The following ARHGEF28 variants were observed in gnomAD, a reference collection of about 807,000 sequenced individuals.
ARHGEF28 encodes Rho guanine nucleotide exchange factor 28.
A neutral mutation model predicts 206.6 loss-of-function variants in ARHGEF28; 152 were observed. The ratio of observed to expected loss-of-function variants is 0.74; its 90% CI spans 0.64 to 0.84. The LOEUF is 0.84. ARHGEF28 is among the 40% of genes least tolerant of loss of function. ARHGEF28 has a pLI of 0.00. For synonymous variants in ARHGEF28, 763 were observed against 776.4 expected (o/e 0.98, Z 0.29); for missense variants, 2,028 against 2,073.2 (o/e 0.98, Z 0.42).
chr5:73,756,757 T>C (rs139651938), intron 4 of ARHGEF28, among the ~76,000 whole-genome samples: 139 of 152,334 alleles, frequency 9.1e-4, no homozygotes, highest in African/African-American at 3.2e-3. Flanking sequence ...TTTAGATGAA[T>C]AGATTCAAAT....
intron 35 of ARHGEF28, among the ~76,000 whole-genome samples, chr5:73,922,387 T>C (rs1561197715): frequency 6.6e-6 from 1 of 152,206 alleles, no homozygotes; most frequent in East Asian, 1.9e-4. Context: ...TACACTGACA[T>C]TTGCTAGAGG....
At chr5:73,825,808 G>A (rs1756873496) in intron 9 of ARHGEF28, among the ~76,000 whole-genome samples, 1 of 152,130 alleles carries the variant, frequency 6.6e-6, no homozygotes, top group Admixed American at 6.5e-5. Context: ...GTGTTGGGGT[G>A]GGAATCAAGA....
chr5:73,745,753 A>G (rs1293244299), intron 2 of ARHGEF28, among the ~76,000 whole-genome samples: 42 of 152,008 alleles, frequency 2.8e-4, no homozygotes, highest in Admixed American at 2.7e-3. Flanking sequence ...ATATACCTTC[A>G]CTATTTGACA....
intron 1 of ARHGEF28, among the ~76,000 whole-genome samples, chr5:73,642,435 C>G (rs1047344024): frequency 1.6e-4 from 25 of 152,176 alleles, no homozygotes; most frequent in African/African-American, 4.8e-4. Context: ...GGAAAAGCTT[C>G]AGACTAGACA....
At chr5:73,695,954 C>T (rs772326328) in intron 2 of ARHGEF28, among the ~76,000 whole-genome samples, 3 of 152,172 alleles carry the variant, frequency 2.0e-5, no homozygotes, top group South Asian at 2.1e-4. Flanking sequence ...AAGCTGTTTT[C>T]GTTCCATATC....
intron 1 of ARHGEF28, among the ~76,000 whole-genome samples, chr5:73,683,938 G>A (rs1747273879): frequency 6.6e-6 from 1 of 152,032 alleles, no homozygotes; most frequent in Admixed American, 6.6e-5. Flanking sequence ...GGGTCATAGG[G>A]TTTCCATATG....
intron 22 of ARHGEF28, among the ~76,000 whole-genome samples, chr5:73,881,475 T>G (rs916032265): frequency 3.9e-5 from 6 of 152,214 alleles, no homozygotes; most frequent in Admixed American, 3.3e-4. Flanking sequence ...TTCACTGGCA[T>G]TGTATAGTTT....
intron 1 of ARHGEF28, among the ~76,000 whole-genome samples, chr5:73,645,051 C>G (rs553360003): frequency 6.6e-6 from 1 of 152,116 alleles, no homozygotes; most frequent in East Asian, 1.9e-4. Context: ...TCATTCAATC[C>G]TCAACAATTC....
chr5:73,923,588 GTTCAATCTCTT>G (rs1763642065), intron 35 of ARHGEF28, among the ~76,000 whole-genome samples: 1 of 152,140 alleles, frequency 6.6e-6, no homozygotes, highest in Non-Finnish European at 1.5e-5. Context: ...TATTTGTCAG[GTTCAATCTCTT>G]GCCTACTATG....
chr5:73,701,290 G>T (rs1413362349), intron 2 of ARHGEF28, among the ~76,000 whole-genome samples: 1 of 152,144 alleles, frequency 6.6e-6, no homozygotes, highest in African/African-American at 2.4e-5. Flanking sequence ...GATTAAATGT[G>T]AAAATATATG....
intron 9 of ARHGEF28, among the ~76,000 whole-genome samples, chr5:73,822,365 C>T (rs1756651054): frequency 6.6e-6 from 1 of 152,186 alleles, no homozygotes; most frequent in South Asian, 2.1e-4. Context: ...TGGATTGAGA[C>T]TCTAGTGTGG....
intron 24 of ARHGEF28, among the ~76,000 whole-genome samples, chr5:73,885,289 T>C (rs1432646515): frequency 1.3e-5 from 2 of 152,052 alleles, no homozygotes; most frequent in African/African-American, 4.8e-5. Context: ...AGGCCTAAGT[T>C]AGTATATAAC....
chr5:73,639,599 C>A (rs1219126217), intron 1 of ARHGEF28, among the ~76,000 whole-genome samples: 1 of 152,026 alleles, frequency 6.6e-6, no homozygotes, highest in African/African-American at 2.4e-5. Flanking sequence ...AGTTTGAGTA[C>A]AAGTATACAA....
At chr5:73,831,590 G>A in intron 9 of ARHGEF28, among the ~76,000 whole-genome samples, 1 of 152,226 alleles carries the variant, frequency 6.6e-6, no homozygotes, top group East Asian at 1.9e-4. Flanking sequence ...TTGAATCTGA[G>A]CATGTCAGTG....
At chr5:73,891,550 CT>C (rs992717420) in intron 26 of ARHGEF28, among the ~76,000 whole-genome samples, 1 of 144,444 alleles carries the variant, frequency 6.9e-6, no homozygotes, top group African/African-American at 2.6e-5. Context: ...TTTTTTTTTT[CT>C]TTTTTTGAGA....
chr5:73,689,425 C>T (rs1747678541), intron 2 of ARHGEF28, among the ~76,000 whole-genome samples: 1 of 152,170 alleles, frequency 6.6e-6, no homozygotes, highest in East Asian at 1.9e-4. Context: ...TCACTGCACC[C>T]TCGACCACCT....
At chr5:73,905,397 G>A (rs1446500436) in intron 33 of ARHGEF28, 1 of 151,812 alleles carries the variant, frequency 6.6e-6, no homozygotes, top group Non-Finnish European at 1.5e-5. Flanking sequence ...AAAGAAAGAG[G>A]CTCAGTGTGT....
intron 22 of ARHGEF28, among the ~76,000 whole-genome samples, chr5:73,880,027 G>A (rs1331490517): frequency 6.6e-6 from 1 of 152,226 alleles, no homozygotes; most frequent in African/African-American, 2.4e-5. Flanking sequence ...CCTGCCCCCA[G>A]CGGTGGAGCC....
chr5:73,893,230 A>G lies in ARHGEF28; in HGVS notation c.3600A>G (p.Glu1200=). ...CPEEKGGRTS[E]SDEDKRKAEA... is the part of the protein sequence containing the mutation. ...AAGAAAAAGGGGGAAGGACAAGTGA[A>G]TCTGATGAAGACAAGAGGAAAGCTG... is the stretch of plus-strand genomic sequence containing the variant. Residue 1200 remains glutamate, a synonymous_variant, in exon 28 of 36, where the codon GAA becomes GAG. Transcript: ENST00000513042. 1.3e-6 allele frequency: 2 copies of G among 1,558,718 alleles called. No individual in the cohort carries two copies. The highest frequency in any genetic ancestry group is 1.7e-6 in the Non-Finnish European group (2 of 1,151,534).
Sources: gnomAD v4.1 joint callset for allele counts (sites outside exome capture counted in the v4.1 genomes callset) on GRCh38, gnomAD v4.1.1 for gene constraint, MANE v1.5 for transcripts, NCBI Gene and HGNC (gene_info 2026-07-23, HGNC 2026-07-21) for gene names.